Variants in PKIG observed in about 807,000 individuals in gnomAD.
PKIG encodes cAMP-dependent protein kinase inhibitor gamma, also known as protein kinase (cAMP-dependent, catalytic) inhibitor gamma.
A neutral mutation model predicts 6.8 loss-of-function variants in PKIG; 1 was observed. The ratio of observed to expected loss-of-function variants is 0.15; its 90% confidence interval spans 0.05 to 0.69. The LOEUF (loss-of-function observed/expected upper bound fraction) is 0.69. Among genes scored for constraint, PKIG ranks in the 30% least tolerant of loss-of-function variants. The pLI, the probability that PKIG is intolerant of heterozygous loss-of-function variation, is 0.82. For synonymous variants in PKIG, 39 were observed against 43.0 expected (o/e 0.91, Z 0.36); for missense variants, 77 against 104.0 (o/e 0.74, Z 1.13).
At chr20:44,590,859 G>A (rs1227815004) in intron 2 of PKIG, among the ~76,000 whole-genome samples, 1 of 152,240 alleles carries the variant, frequency 6.6e-6, no homozygotes, top group Non-Finnish European at 1.5e-5. Flanking sequence ...GAGAGAGAAG[G>A]TCTTGTGATT....
rs546472745 is a variant in PKIG, at chr20:44,554,920, C to G, written c.-241+22942C>G. ...ATCATCTTATTGATTTACTTTTGTT[C>G]TATAGTAATGTGACATTTTTTCTTT... On this transcript the variant is annotated intron_variant, in intron 1 of 4. Coordinates refer to the PKIG transcript ENST00000372887. Among the ~76,000 whole-genome samples the G allele has an allele frequency of 2.6e-5, 4 of 152,170 alleles. No individual in the cohort carries two copies. In the South Asian group the frequency reaches 6.2e-4, roughly 24 times the overall value.
At chr20:44,532,239 CCTT>C (rs1347744993) in intron 1 of PKIG, among the ~76,000 whole-genome samples, 1 of 152,188 alleles carries the variant, frequency 6.6e-6, no homozygotes, top group Non-Finnish European at 1.5e-5. Context: ...AAAAAAAATC[CCTT>C]CTTGTTTGGG....
At position 44,614,977 on chromosome 20, in the gene PKIG, C is replaced by T. The variant is rs1228402109; in HGVS notation, c.151+270C>T. Among the ~76,000 whole-genome samples the T allele has an allele frequency of 6.6e-6, 1 of 152,190 alleles. No homozygotes were observed. Among genetic ancestry groups the T allele is most frequent in the Non-Finnish European group, 1.5e-5 (1 of 68,028 alleles). On this transcript the variant is annotated intron_variant, in intron 3 of 3. Transcript: ENST00000372886. The surrounding 1 kb of genome is among the most constrained non-coding windows in gnomAD (Gnocchi z 4.6). ...AGGTCCCTCCACTTCTCGCTATCCCCACAGCTATACCTGGCTCTGGCCACT... is the reference window on the plus strand; with the variant it reads ...AGGTCCCTCCACTTCTCGCTATCCCTACAGCTATACCTGGCTCTGGCCACT...
intron 1 of PKIG, among the ~76,000 whole-genome samples, chr20:44,563,274 A>C (rs908982772): frequency 1.3e-4 from 20 of 152,234 alleles, no homozygotes; most frequent in African/African-American, 4.8e-4. Flanking sequence ...ACATTTTACT[A>C]TGAAAAATTC....
intron 1 of PKIG, among the ~76,000 whole-genome samples, chr20:44,584,488 CAAA>C (rs61654555): frequency 1.1e-4 from 7 of 64,650 alleles, no homozygotes; most frequent in Admixed American, 1.8e-4. Flanking sequence ...AGCCAGAGTG[CAAA>C]AAAAAAAAAA....
intron 1 of PKIG, among the ~76,000 whole-genome samples, chr20:44,539,950 C>CTATT (rs1170496310): frequency 2.0e-5 from 3 of 151,846 alleles, no homozygotes; most frequent in Admixed American, 6.6e-5. Flanking sequence ...CTGATTACAT[C>CTATT]TATTTATTTA....
At chr20:44,607,682 TA>T (rs1391478941) in intron 2 of PKIG, among the ~76,000 whole-genome samples, 4 of 144,600 alleles carry the variant, frequency 2.8e-5, no homozygotes, top group Admixed American at 7.0e-5. Context: ...AGATGGAAAA[TA>T]AATTTTTTTT....
At chr20:44,565,085 T>G (rs955855713) in intron 1 of PKIG, among the ~76,000 whole-genome samples, 1 of 152,242 alleles carries the variant, frequency 6.6e-6, no homozygotes, top group Non-Finnish European at 1.5e-5. Flanking sequence ...TGGGCGCTTA[T>G]GAAAATATTT....
At chr20:44,576,456 T>C (rs2064899111) in intron 1 of PKIG, among the ~76,000 whole-genome samples, 1 of 152,052 alleles carries the variant, frequency 6.6e-6, no homozygotes, top group South Asian at 2.1e-4. Flanking sequence ...TGATATTTAA[T>C]CTGAAATCTG....
rs549705431 is a variant in PKIG, at chr20:44,595,734, G to A, written c.-24+5868G>A. 2.1e-4 allele frequency among the ~76,000 whole-genome samples: 32 copies of A among 152,054 alleles called. No homozygotes were observed. The South Asian group carries it at 5.8e-3, about 28-fold the overall frequency. On this transcript the variant is annotated intron_variant, in intron 2 of 3. Coordinates refer to ENST00000372886, the MANE Select transcript of PKIG (RefSeq NM_001281445.2). ...TTACCATGTTGGTAAAGCTGGTCTC[G>A]AACTCCTGACCTCGTGATCCGCCAG... is the stretch of plus-strand genomic sequence containing the variant.
intron 2 of PKIG, among the ~76,000 whole-genome samples, chr20:44,595,506 A>G (rs1379173974): frequency 2.0e-5 from 3 of 152,162 alleles, no homozygotes; most frequent in Non-Finnish European, 4.4e-5. Context: ...TGCCCCAAGT[A>G]CTTTTATTTA....
intron 1 of PKIG, among the ~76,000 whole-genome samples, chr20:44,563,642 A>G (rs1370636803): frequency 6.6e-6 from 1 of 152,048 alleles, no homozygotes; most frequent in African/African-American, 2.4e-5. Flanking sequence ...CGATCCTCCT[A>G]CCGCAGCCTC....
intron 1 of PKIG, among the ~76,000 whole-genome samples, chr20:44,561,791 A>AG (rs2064769583): frequency 6.6e-6 from 1 of 152,194 alleles, no homozygotes; most frequent in Non-Finnish European, 1.5e-5. Flanking sequence ...GAATTACAAA[A>AG]TGAGTGGAGC....
chr20:44,563,406 G>C (rs1431165508), intron 1 of PKIG, among the ~76,000 whole-genome samples: 2 of 152,190 alleles, frequency 1.3e-5, no homozygotes, highest in East Asian at 1.9e-4. Flanking sequence ...CTGTGGGTCG[G>C]AAGTTTGGAC....
intron 2 of PKIG, among the ~76,000 whole-genome samples, chr20:44,590,953 G>GT (rs1294436907): frequency 1.3e-5 from 2 of 152,148 alleles, no homozygotes; most frequent in Non-Finnish European, 2.9e-5. Context: ...GCCAGGAAAA[G>GT]TTTTTTTCAT....
At chr20:44,605,882 A>G (rs1358157069) in intron 2 of PKIG, among the ~76,000 whole-genome samples, 8 of 152,220 alleles carry the variant, frequency 5.3e-5, no homozygotes, top group Non-Finnish European at 8.8e-5. Flanking sequence ...GCTACACTCC[A>G]GCCTGGGTGA....
intron 2 of PKIG, among the ~76,000 whole-genome samples, chr20:44,610,493 C>T (rs1325429371): frequency 7.0e-6 from 1 of 143,876 alleles, no homozygotes; most frequent in Non-Finnish European, 1.5e-5. Flanking sequence ...TCTTCTCTCT[C>T]TCTCTCTCAC....
intron 1 of PKIG, among the ~76,000 whole-genome samples, chr20:44,575,913 C>T (rs908720760): frequency 2.6e-5 from 4 of 152,136 alleles, no homozygotes; most frequent in African/African-American, 9.7e-5. Context: ...CAGAGCCTCC[C>T]TGGGGTCCCA....
At chr20:44,543,520 C>G (rs2123157294) in intron 1 of PKIG, among the ~76,000 whole-genome samples, 1 of 152,286 alleles carries the variant, frequency 6.6e-6, no homozygotes, top group Non-Finnish European at 1.5e-5. Context: ...TAACTCTCAG[C>G]ACCTACTCCA....
Sources: allele counts gnomAD v4.1 joint callset (sites outside exome capture counted in the v4.1 genomes callset), GRCh38; gene constraint gnomAD v4.1.1; non-coding constraint Gnocchi (gnomAD v3.1); transcripts MANE v1.5; gene names NCBI Gene and HGNC (gene_info 2026-07-23, HGNC 2026-07-21).